The following HPF1 variants were observed in gnomAD, a reference collection of about 807,000 sequenced individuals.
HPF1 encodes UPF0609 protein C4orf27.
In HPF1, 35 loss-of-function variants were observed where a neutral mutation model predicts 38.8. That is an observed-to-expected ratio of 0.90 (90% confidence interval 0.69 to 1.19). HPF1 has a LOEUF of 1.19. HPF1 is among the 50% of genes most tolerant of loss of function. The pLI is 0.00. For synonymous variants in HPF1, 115 were observed against 139.2 expected, an observed-to-expected ratio of 0.83 and a Z score of 1.22; for missense variants, 367 against 405.8, an observed-to-expected ratio of 0.90 and a Z score of 0.82.
chr4:169,737,617 G>A (rs1322131348), intron 6 of HPF1, 43 bp downstream of exon 6: 3 of 1,205,332 alleles, frequency 2.5e-6, no homozygotes, highest in South Asian at 2.4e-5. Flanking sequence ...CTTTATTCAT[G>A]TGCATTAACA....
At chr4:169,743,836 C>G (rs767146114) in intron 4 of HPF1, among the ~76,000 whole-genome samples, 43 of 151,330 alleles carry the variant, frequency 2.8e-4, no homozygotes, top group Non-Finnish European at 4.4e-5. Flanking sequence ...GGAGTTAGAA[C>G]ATTTATAGTG....
intron 6 of HPF1, among the ~76,000 whole-genome samples, chr4:169,735,545 A>C (rs1733881296): frequency 6.6e-6 from 1 of 152,218 alleles, no homozygotes; most frequent in African/African-American, 2.4e-5. Context: ...CTAGAATAGT[A>C]GACTTGGATA....
intron 1 of HPF1, 61 bp downstream of exon 1, chr4:169,757,769 C>T (rs2150294723): frequency 1.4e-6 from 2 of 1,434,956 alleles, no homozygotes; most frequent in Non-Finnish European, 1.9e-6. Context: ...GCGCTGCCTC[C>T]TGGTGCCCTG....
Position 169,729,691 on chromosome 4 carries a change from C to A in HPF1, c.928G>T (p.Gly310Cys). Reference protein sequence around the residue: ...YGSHYFHKVAGQLLPLAYNLL... With the variant: ...YGSHYFHKVACQLLPLAYNLL... Reference sequence around the variant, plus strand: ...TTATATGCAAGAGGTAAAAGCTGGCCAGCAACTTTATGAAAATACTGAAAA... The same window carrying A: ...TTATATGCAAGAGGTAAAAGCTGGCAAGCAACTTTATGAAAATACTGAAAA... The change falls in exon 8 of 8, where the codon GGC (glycine) becomes TGC (cysteine). Residue 310 changes from glycine to cysteine, a missense_variant. Coordinates refer to ENST00000393381, the MANE Select transcript of HPF1 (RefSeq NM_017867.3). The A allele has an allele frequency of 1.3e-6, 2 of 1,531,362 alleles. No homozygotes were observed. Among genetic ancestry groups the A allele is most frequent in the Non-Finnish European group, 8.8e-7 (1 of 1,141,258 alleles). The allele number at this position is 1,531,362 out of a possible 1,614,324, so 94.9% of individuals were successfully genotyped here.
intron 4 of HPF1, among the ~76,000 whole-genome samples, chr4:169,748,244 A>G (rs1259461295): frequency 6.6e-6 from 1 of 152,244 alleles, no homozygotes; most frequent in African/African-American, 2.4e-5. Context: ...TTCGTTAAGT[A>G]AAATAGTTAC....
chr4:169,753,617 C>A, intron 2 of HPF1, 59 bp downstream of exon 2: 1 of 1,439,838 alleles, frequency 6.9e-7, no homozygotes, highest in Non-Finnish European at 9.6e-7. Context: ...CCACACCCAG[C>A]TGGTTTCCTA....
intron 4 of HPF1, among the ~76,000 whole-genome samples, chr4:169,746,916 A>G (rs1333168884): frequency 6.8e-6 from 1 of 147,252 alleles, no homozygotes; most frequent in Non-Finnish European, 1.5e-5. Context: ...ATGTTCTCCA[A>G]TTAGCTTAAA....
At chr4:169,741,860 G>C (rs1466590353) in intron 5 of HPF1, 97 bp downstream of exon 5, 2 of 977,348 alleles carry the variant, frequency 2.0e-6, no homozygotes, top group Non-Finnish European at 3.1e-6. Flanking sequence ...CTTAAGATAG[G>C]ACTAGGGAAG....
chr4:169,755,184 A>G (rs1241850803), intron 1 of HPF1, among the ~76,000 whole-genome samples: 1 of 152,024 alleles, frequency 6.6e-6, no homozygotes, highest in Non-Finnish European at 1.5e-5. Flanking sequence ...GGTGGCATTA[A>G]TTCCAAGAGC....
chr4:169,731,636 G>A, intron 7 of HPF1, 68 bp downstream of exon 7: 1 of 1,201,954 alleles, frequency 8.3e-7, no homozygotes. Context: ...ATTCATGTGT[G>A]GATGTATGTC....
chr4:169,753,563 C>T, intron 2 of HPF1, 113 bp downstream of exon 2: 5 of 887,662 alleles, frequency 5.6e-6, no homozygotes, highest in Non-Finnish European at 8.8e-6. Context: ...CTCCTGGCCT[C>T]AGGCAATCCT....
intron 7 of HPF1, among the ~76,000 whole-genome samples, chr4:169,731,503 A>T (rs1487970101): frequency 2.0e-5 from 3 of 152,166 alleles, no homozygotes; most frequent in African/African-American, 4.8e-5. Context: ...AGAATATAAG[A>T]TGAGTTTAAA....
At chr4:169,750,439 A>T (rs1734102302) in intron 3 of HPF1, 97 bp downstream of exon 3, 1 of 872,402 alleles carries the variant, frequency 1.1e-6, no homozygotes. Context: ...AACAGGGGAA[A>T]ATATGCCTTT....
intron 4 of HPF1, among the ~76,000 whole-genome samples, chr4:169,743,465 C>T (rs1342232216): frequency 7.7e-5 from 9 of 116,242 alleles, no homozygotes. Flanking sequence ...ACTATTATAA[C>T]ACTAAAGGTC....
intron 4 of HPF1, among the ~76,000 whole-genome samples, chr4:169,743,301 G>T (rs1386845346): frequency 6.6e-6 from 1 of 151,316 alleles, no homozygotes; most frequent in Non-Finnish European, 1.5e-5. Flanking sequence ...GTGGAGACAG[G>T]GTTTCCTCAT....
intron 5 of HPF1, among the ~76,000 whole-genome samples, chr4:169,741,406 A>G (rs1733967522): frequency 6.6e-6 from 1 of 152,142 alleles, no homozygotes; most frequent in African/African-American, 2.4e-5. Flanking sequence ...TTTACTCCAA[A>G]CCAGAAATCT....
intron 5 of HPF1, among the ~76,000 whole-genome samples, chr4:169,741,227 G>C (rs1733965389): frequency 6.6e-6 from 1 of 152,150 alleles, no homozygotes; most frequent in Non-Finnish European, 1.5e-5. Flanking sequence ...AGTTTATTAA[G>C]GAATAGCAAG....
chr4:169,756,674 G>A (rs1734192025), intron 1 of HPF1, among the ~76,000 whole-genome samples: 1 of 152,180 alleles, frequency 6.6e-6, no homozygotes, highest in Non-Finnish European at 1.5e-5. Flanking sequence ...ACACAGAACG[G>A]TCCTAGCACA....
At chr4:169,735,797 C>T (rs1733883931) in intron 6 of HPF1, among the ~76,000 whole-genome samples, 1 of 151,914 alleles carries the variant, frequency 6.6e-6, no homozygotes, top group African/African-American at 2.4e-5. Flanking sequence ...ACAATGGTCC[C>T]ATCAGAGACT....
Sources: gnomAD v4.1 joint callset for allele counts (sites outside exome capture counted in the v4.1 genomes callset) on GRCh38, gnomAD v4.1.1 for gene constraint, MANE v1.5 for transcripts, NCBI Gene and HGNC (gene_info 2026-07-23, HGNC 2026-07-21) for gene names.